Variants in MDGA2 observed in about 807,000 individuals in gnomAD.
MDGA2 encodes the protein MAM domain-containing glycosylphosphatidylinositol anchor protein 2.
Under a neutral mutation model 117.8 loss-of-function variants are expected in MDGA2, and 40 were observed. The ratio of observed to expected loss-of-function variants is 0.34; its 90% CI spans 0.26 to 0.44. MDGA2 has a LOEUF of 0.44. MDGA2 is among the 20% of genes least tolerant of loss of function. The pLI is 1.00. For missense variants in MDGA2, 1,123 were observed against 1,250.6 expected, an observed-to-expected ratio of 0.90 and a Z score of 1.54; for synonymous variants, 452 against 439.0, an observed-to-expected ratio of 1.03 and a Z score of -0.37.
At chr14:47,508,907 G>T (rs996869306) in intron 1 of MDGA2, among the ~76,000 whole-genome samples, 12 of 152,100 alleles carry the variant, frequency 7.9e-5, no homozygotes, top group Middle Eastern at 3.2e-3. Context: ...AGCAAGGATG[G>T]TCTCGATCTC....
At chr14:47,609,456 T>TATATATAGATATAG (rs1555336059) in intron 1 of MDGA2, among the ~76,000 whole-genome samples, 4 of 110,152 alleles carry the variant, frequency 3.6e-5, no homozygotes, top group Non-Finnish European at 7.5e-5. Flanking sequence ...TATATATATA[T>TATATATAGATATAG]ATATATATAA....
chr14:47,643,893 TA>T (rs976738923), intron 1 of MDGA2, among the ~76,000 whole-genome samples: 2 of 152,112 alleles, frequency 1.3e-5, no homozygotes, highest in Non-Finnish European at 2.9e-5. Flanking sequence ...AAAAATACAG[TA>T]AAAGCTAAAA....
intron 1 of MDGA2, among the ~76,000 whole-genome samples, chr14:47,419,870 T>C (rs1326263865): frequency 6.6e-6 from 1 of 152,146 alleles, no homozygotes; most frequent in African/African-American, 2.4e-5. Context: ...GAGGTAGTCA[T>C]ACTTATCAAA....
intron 9 of MDGA2, among the ~76,000 whole-genome samples, chr14:46,925,199 C>A (rs1039430019): frequency 1.3e-5 from 2 of 152,070 alleles, no homozygotes; most frequent in Admixed American, 6.6e-5. Context: ...CAACTTAAAG[C>A]GCAGAGAATT....
At chr14:47,605,764 T>A (rs569136431) in intron 1 of MDGA2, among the ~76,000 whole-genome samples, 1 of 152,298 alleles carries the variant, frequency 6.6e-6, no homozygotes, top group African/African-American at 2.4e-5. Context: ...AATTTGATTT[T>A]ACAGTAGGTT....
At chr14:47,430,722 T>G (rs2138526051) in intron 1 of MDGA2, among the ~76,000 whole-genome samples, 1 of 152,248 alleles carries the variant, frequency 6.6e-6, no homozygotes, top group Middle Eastern at 3.4e-3. Flanking sequence ...ATATTTTTCA[T>G]GGCAATTGAA....
rs375332903 is a variant in MDGA2 at position 47,312,693 on chromosome 14, G to GTTTTTTTTTTTTTTTTTTTTT, written c.281-11144_281-11143insAAAAAAAAAAAAAAAAAAAAA. On this transcript the variant is annotated intron_variant, in intron 1 of 16. Transcript: ENST00000399232. The stretch of plus-strand genomic sequence containing the variant: ...TAGTTTTTAGTTTTTTTTTTGTTTT[G>GTTTTTTTTTTTTTTTTTTTTT]TTTTGTTTTTTTTTTTTGTAGAGAT... Among the ~76,000 whole-genome samples the GTTTTTTTTTTTTTTTTTTTTT allele has an allele frequency of 6.7e-5, 7 of 104,364 alleles. 1 individual carries two copies. The highest frequency in any genetic ancestry group is 1.4e-4 in the African/African-American group (4 of 29,030). The allele number at this position is 104,364 out of a possible 152,430, so 68.5% of individuals were successfully genotyped here.
chr14:46,913,299 T>C (rs1883775305), intron 10 of MDGA2, among the ~76,000 whole-genome samples: 1 of 152,162 alleles, frequency 6.6e-6, no homozygotes, highest in South Asian at 2.1e-4. Flanking sequence ...ATTATAAGAT[T>C]AATCTATGCA....
intron 2 of MDGA2, among the ~76,000 whole-genome samples, chr14:47,225,374 C>T (rs891361424): frequency 4.0e-5 from 6 of 151,362 alleles, no homozygotes; most frequent in East Asian, 3.9e-4. Flanking sequence ...ATGTTTATTG[C>T]GGCACTATTC....
intron 14 of MDGA2, among the ~76,000 whole-genome samples, chr14:46,868,924 T>C (rs571834558): frequency 1.3e-5 from 2 of 152,148 alleles, no homozygotes; most frequent in South Asian, 4.1e-4. Flanking sequence ...ATGTTACTAT[T>C]AATACTGAAT....
At chr14:47,465,365 C>T (rs1318884308) in intron 1 of MDGA2, among the ~76,000 whole-genome samples, 3 of 152,004 alleles carry the variant, frequency 2.0e-5, no homozygotes, top group Middle Eastern at 3.4e-3. Flanking sequence ...TTCTGCACAG[C>T]AAAAGACATT....
chr14:47,016,381 A>G (rs1888084029), intron 8 of MDGA2, among the ~76,000 whole-genome samples: 1 of 152,040 alleles, frequency 6.6e-6, no homozygotes, highest in South Asian at 2.1e-4. Flanking sequence ...TTACATCCTT[A>G]AGTCTGCTAG....
At chr14:47,639,699 C>T (rs1006213073) in intron 1 of MDGA2, among the ~76,000 whole-genome samples, 6 of 151,954 alleles carry the variant, frequency 3.9e-5, no homozygotes, top group Admixed American at 1.3e-4. Flanking sequence ...CATGTGTTTC[C>T]CAGTTCAGCT....
chr14:47,638,150 G>A (rs766216281), intron 1 of MDGA2, among the ~76,000 whole-genome samples: 5 of 152,132 alleles, frequency 3.3e-5, no homozygotes, highest in Non-Finnish European at 5.9e-5. Context: ...AAGTCTGTAC[G>A]TGTCCACAGA....
At chr14:46,883,734 T>A (rs771017870) in intron 10 of MDGA2, among the ~76,000 whole-genome samples, 4 of 152,088 alleles carry the variant, frequency 2.6e-5, no homozygotes, top group Non-Finnish European at 4.4e-5. Flanking sequence ...TGCATATAAT[T>A]TATTAGATGA....
chr14:47,290,503 C>A (rs922408714), intron 2 of MDGA2, among the ~76,000 whole-genome samples: 4 of 152,090 alleles, frequency 2.6e-5, no homozygotes, highest in Non-Finnish European at 4.4e-5. Context: ...GAAATATATT[C>A]ATGCTAATTA....
At chr14:46,888,792 A>G (rs1174186200) in intron 10 of MDGA2, among the ~76,000 whole-genome samples, 1 of 151,890 alleles carries the variant, frequency 6.6e-6, no homozygotes, top group Non-Finnish European at 1.5e-5. Context: ...AGTAAAAACT[A>G]AAATAGAAGA....
At chr14:46,965,921 C>G (rs902643763) in intron 8 of MDGA2, among the ~76,000 whole-genome samples, 8 of 151,934 alleles carry the variant, frequency 5.3e-5, no homozygotes, top group African/African-American at 1.9e-4. Context: ...TTCTGAAATG[C>G]TTAAAAGTAG....
At chr14:47,220,000 T>G (rs916611125) in intron 2 of MDGA2, among the ~76,000 whole-genome samples, 3 of 152,142 alleles carry the variant, frequency 2.0e-5, no homozygotes, top group African/African-American at 7.2e-5. Context: ...GCAAATATTG[T>G]TTATTGTAAA....
Sources: allele counts gnomAD v4.1 joint callset (sites outside exome capture counted in the v4.1 genomes callset), GRCh38; gene constraint gnomAD v4.1.1; transcripts MANE v1.5; gene names NCBI Gene and HGNC (gene_info 2026-07-23, HGNC 2026-07-21).